The following ZFP37 variants were observed in gnomAD, a reference collection of about 807,000 sequenced individuals.
ZFP37 encodes the protein zinc finger protein 37 homolog.
A neutral mutation model predicts 52.1 loss-of-function variants in ZFP37; 38 were observed. The observed-to-expected ratio is 0.73, with a 90% CI of 0.56 to 0.96. The LOEUF (loss-of-function observed/expected upper bound fraction) is 0.96. ZFP37 is among the 40% of genes least tolerant of loss of function. ZFP37 has a pLI of 0.00. For synonymous variants in ZFP37, 253 were observed against 259.5 expected, an observed-to-expected ratio of 0.98 and a Z score of 0.24; for missense variants, 695 against 741.4, an observed-to-expected ratio of 0.94 and a Z score of 0.73.
At chr9:113,047,529 T>C (rs1300999529) in intron 3 of ZFP37, among the ~76,000 whole-genome samples, 5 of 151,988 alleles carry the variant, frequency 3.3e-5, no homozygotes, top group Non-Finnish European at 7.4e-5. Flanking sequence ...GAGGGAGAAC[T>C]GCTTGAGACC....
In ZFP37 at chr9:113,043,488, T is replaced by C. The variant is rs1828891883; in HGVS notation, c.1130A>G (p.Tyr377Cys). The change falls in exon 4 of 4, where the codon TAT becomes TGT. Residue 377 changes from tyrosine (Y) to cysteine (C), a missense_variant. Transcript: ENST00000374227. ...GGTTTTCCCACATTCAGCACATTCA[T>C]AGGGCTTTTCTCCAGTATGAATTCT... ...HLRIHTGEKP[Y>C]ECAECGKTFR... is the part of the protein sequence containing the mutation. 3.7e-6 allele frequency: 6 copies of C among 1,614,102 alleles called. No homozygotes were observed. Among genetic ancestry groups the C allele is most frequent in the African/African-American group, 2.7e-5 (2 of 75,070 alleles).
At chr9:113,048,137 G>A (rs1356094011) in intron 3 of ZFP37, among the ~76,000 whole-genome samples, 2 of 152,170 alleles carry the variant, frequency 1.3e-5, no homozygotes, top group Non-Finnish European at 2.9e-5. Context: ...TAACAAAAAC[G>A]ATTAAAGTAT....
rs1162891065 is a variant in ZFP37, at chr9:113,038,736, T to A, written c.*3989A>T. The A allele has an allele frequency of 6.6e-6, 1 of 151,968 alleles. No individual in the cohort carries two copies. The highest frequency in any genetic ancestry group is 1.5e-5 in the Non-Finnish European group (1 of 67,956). 9.4% of individuals were successfully genotyped at this position (151,968 alleles called of 1,614,324 possible). On this transcript the variant is annotated 3_prime_UTR_variant, in exon 4 of 4. Coordinates refer to ENST00000374227, the MANE Select transcript of ZFP37 (RefSeq NM_003408.3). ...AGGTAGAGATTGTAATGAGCCAAGA[T>A]TGCACTACTGCACACTCCAGTCTGG...
At position 113,047,579 on chromosome 9, in the gene ZFP37, G is replaced by A. The variant is rs57447767; in HGVS notation, c.349+1783C>T. ...AGCCTGGGCAACACAGCAAGACCCT[G>A]TCTCTATGAAAAAAAAGAGAAAAAA... is the stretch of plus-strand genomic sequence containing the variant. On this transcript the variant is annotated intron_variant, in intron 3 of 3. Coordinates refer to ENST00000374227, the MANE Select transcript of ZFP37 (RefSeq NM_003408.3). 6.9e-3 allele frequency among the ~76,000 whole-genome samples: 1,051 copies of A among 151,690 alleles called. 17 individuals carry two copies. The highest frequency in any genetic ancestry group is 0.024 in the African/African-American group (973 of 41,308).
chr9:113,049,012 A>G (rs946789975), intron 3 of ZFP37, among the ~76,000 whole-genome samples: 3 of 152,184 alleles, frequency 2.0e-5, no homozygotes, highest in Admixed American at 6.5e-5. Context: ...TTGAGCAAGC[A>G]ATCAATTTTT....
At position 113,041,262 on chromosome 9, in the gene ZFP37, A is replaced by C. The variant is rs1478749298; in HGVS notation, c.*1463T>G. The C allele has an allele frequency of 1.3e-5, 2 of 152,068 alleles. No homozygotes were observed. Among genetic ancestry groups the C allele is most frequent in the Non-Finnish European group, 2.9e-5 (2 of 68,002 alleles). 9.4% of individuals were successfully genotyped at this position (152,068 alleles called of 1,614,324 possible). Reference sequence around the variant, plus strand: ...ATTTTTAATCTATGGCTCAAGAGTAAAAAAAATCCAGGTGTGCAATGGCAA... The same window carrying C: ...ATTTTTAATCTATGGCTCAAGAGTACAAAAAATCCAGGTGTGCAATGGCAA... On this transcript the variant is annotated 3_prime_UTR_variant, in exon 4 of 4. Transcript: ENST00000374227.
Position 113,042,918 on chromosome 9 carries a change from T to G in ZFP37, c.1700A>C (p.His567Pro), listed in dbSNP as rs775271141. 3.7e-6 allele frequency: 6 copies of G among 1,613,928 alleles called. No individual in the cohort carries two copies. The East Asian group carries it at 1.3e-4, about 36-fold the overall frequency. Residue 567 changes from histidine to proline, a missense_variant, in exon 4 of 4, where the codon CAT becomes CCT. Transcript: ENST00000374227. ...ACATTCATAAGGTTTCTCCCCAGTA[T>G]GAGTTCTCTGATGTACAATGAGGTG... ...KSHLIVHQRTHTGEKPYECNE... is the reference protein window; with the variant it reads ...KSHLIVHQRTPTGEKPYECNE...
chr9:113,054,894 C>T (rs1829115053), intron 1 of ZFP37, among the ~76,000 whole-genome samples: 1 of 152,170 alleles, frequency 6.6e-6, no homozygotes, highest in African/African-American at 2.4e-5. Flanking sequence ...CTACTCTTGC[C>T]CCTCTGCAGT....
At chr9:113,049,685 GAAGA>G in intron 2 of ZFP37, 102 bp downstream of exon 2, 2 of 1,493,490 alleles carry the variant, frequency 1.3e-6, no homozygotes, top group Middle Eastern at 1.8e-4. Flanking sequence ...ACCCAAAAAA[GAAGA>G]AAGCCCTTTG....
chr9:113,049,836 A>G lies in ZFP37; in HGVS notation c.169T>C (p.Tyr57His). The part of the protein sequence containing the change: ...KQLDPAQSNL[Y>H]NDVMLENYCN... ...TAGTTCTCCAGCATCACATCATTATACAGGTTGCTCTGAGCAGGATCCAGT... is the reference window on the plus strand; with the variant it reads ...TAGTTCTCCAGCATCACATCATTATGCAGGTTGCTCTGAGCAGGATCCAGT... The change falls in exon 2 of 4, where the codon TAT becomes CAT. Residue 57 changes from tyrosine (Y) to histidine (H), a missense_variant. Tyr to His is a moderately conservative substitution (Grantham distance 83). Transcript: ENST00000374227. 1.2e-6 allele frequency: 2 copies of G among 1,614,094 alleles called. No homozygotes were observed. The highest frequency in any genetic ancestry group is 1.7e-6 in the Non-Finnish European group (2 of 1,179,944).
chr9:113,044,201 A>C lies in ZFP37; in HGVS notation c.417T>G (p.Val139=), dbSNP rs762696492. The change falls in exon 4 of 4, where the codon GTT becomes GTG. Residue 139 remains valine (V), a synonymous_variant. Coordinates refer to ENST00000374227, the MANE Select transcript of ZFP37 (RefSeq NM_003408.3). ...QKSQNKLLRE[V]AVKKKTQAKK... The stretch of plus-strand genomic sequence containing the variant: ...TAGCTTGAGTTTTCTTCTTGACTGC[A>C]ACTTCCCTGAGGAGTTTGTTTTGAG... The C allele has an allele frequency of 1.2e-6, 2 of 1,602,346 alleles. No individual in the cohort carries two copies. Among genetic ancestry groups the C allele is most frequent in the South Asian group, 2.3e-5 (2 of 87,632 alleles).
rs1828838159 is a variant in ZFP37 at position 113,041,056 on chromosome 9, C to T, written c.*1669G>A. The T allele has an allele frequency of 6.6e-6, 1 of 152,068 alleles. No homozygotes were observed. Among genetic ancestry groups the T allele is most frequent in the Non-Finnish European group, 1.5e-5 (1 of 68,018 alleles). The allele number at this position is 152,068 out of a possible 1,614,324, so 9.4% of individuals were successfully genotyped here. On this transcript the variant is annotated 3_prime_UTR_variant, in exon 4 of 4. Coordinates refer to ENST00000374227, the MANE Select transcript of ZFP37 (RefSeq NM_003408.3). The stretch of plus-strand genomic sequence containing the variant: ...GCAAGCAACTCTCTTGCCTCAGCCT[C>T]CTGAGTGGCTGGGATTACAGGGATT...
intron 1 of ZFP37, among the ~76,000 whole-genome samples, chr9:113,051,598 A>G (rs890494011): frequency 2.6e-5 from 4 of 152,062 alleles, no homozygotes; most frequent in Non-Finnish European, 5.9e-5. Flanking sequence ...GACTATAGGC[A>G]AGCAACACCC....
chr9:113,055,056 C>T (rs1829117448), intron 1 of ZFP37, among the ~76,000 whole-genome samples: 1 of 152,198 alleles, frequency 6.6e-6, no homozygotes, highest in African/African-American at 2.4e-5. Flanking sequence ...CTGATACCTT[C>T]CTACCACTAT....
In ZFP37 at chr9:113,049,814, T is replaced by C; in HGVS notation, c.191A>G (p.Asn64Ser). The C allele has an allele frequency of 6.2e-7, 1 of 1,614,036 alleles. No homozygotes were observed. The highest frequency in any genetic ancestry group is 2.2e-5 in the East Asian group (1 of 44,880). The change falls in exon 2 of 4, where the codon AAC (asparagine) becomes AGC (serine). Residue 64 changes from asparagine (N) to serine (S), a missense_variant. Asn to Ser is a conservative substitution (Grantham distance 46). Around this residue, in one of 2 missense-constraint regions of ZFP37, gnomAD observed 369 missense variants for 340.9 expected, o/e 1.08. Transcript: ENST00000374227. ...ACCCATTGAGGCTTGGTTGCAGTAG[T>C]TCTCCAGCATCACATCATTATACAG... is the stretch of plus-strand genomic sequence containing the variant. ...SNLYNDVMLE[N>S]YCNQASMGCQ...
chr9:113,047,034 G>T (rs866305335), intron 3 of ZFP37, among the ~76,000 whole-genome samples: 2 of 151,698 alleles, frequency 1.3e-5, no homozygotes, highest in African/African-American at 2.4e-5. Context: ...GTGTGAACTC[G>T]GGAGGAGGAG....
chr9:113,047,124 AGAG>A (rs1412772857), intron 3 of ZFP37, among the ~76,000 whole-genome samples: 1 of 151,100 alleles, frequency 6.6e-6, no homozygotes, highest in Non-Finnish European at 1.5e-5. Context: ...AAAAAAAAAA[AGAG>A]AACCTGAACC....
chr9:113,053,224 C>G (rs1213868800), intron 1 of ZFP37, among the ~76,000 whole-genome samples: 2 of 152,208 alleles, frequency 1.3e-5, no homozygotes, highest in Non-Finnish European at 2.9e-5. Flanking sequence ...ACTCATTGAG[C>G]CCTCTGATCC....
At position 113,043,336 on chromosome 9, in the gene ZFP37, T is replaced by C. The variant is rs896194533; in HGVS notation, c.1282A>G (p.Thr428Ala). 1 of 1,614,132 alleles carries C rather than the reference T, an allele frequency of 6.2e-7. No homozygotes were observed. The highest frequency in any genetic ancestry group is 8.5e-7 in the Non-Finnish European group (1 of 1,179,984). The change falls in exon 4 of 4, where the codon ACA (threonine) becomes GCA (alanine). Residue 428 changes from threonine to alanine, a missense_variant. Physicochemically the swap from Thr to Ala is moderately conservative, Grantham distance 58. Transcript: ENST00000374227. ...TTGCATTCATATGGTATTTCACCTG[T>C]ATGTGTTCTCACATGTTCGGTAAGA... ...SSLTEHVRTH[T>A]GEIPYECNEC...
Sources: allele counts gnomAD v4.1 joint callset (sites outside exome capture counted in the v4.1 genomes callset), GRCh38; gene constraint gnomAD v4.1.1; regional missense constraint gnomAD v4.1.1; transcripts MANE v1.5; gene names NCBI Gene and HGNC (gene_info 2026-07-23, HGNC 2026-07-21).